The following ST6GAL1 variants were observed in gnomAD, a reference collection of about 807,000 sequenced individuals.
ST6GAL1 encodes the protein ST6 beta-galactoside alpha-2,6-sialyltransferase 1.
In ST6GAL1, 20 loss-of-function variants were observed where a neutral mutation model predicts 38.0. The observed-to-expected ratio is 0.53, with a 90% CI of 0.37 to 0.77. The LOEUF (loss-of-function observed/expected upper bound fraction) is 0.77, where lower values mean the gene tolerates loss of function less well. ST6GAL1 is among the 30% of genes least tolerant of loss of function. The pLI is 0.00. For missense variants in ST6GAL1, 432 were observed against 496.4 expected (o/e 0.87, Z 1.23); for synonymous variants, 196 against 188.2 (o/e 1.04, Z -0.34).
At chr3:186,958,374 G>A (rs1055094714) in intron 1 of ST6GAL1, among the ~76,000 whole-genome samples, 2 of 152,068 alleles carry the variant, frequency 1.3e-5, no homozygotes, top group African/African-American at 2.4e-5. Context: ...ATAACTATTG[G>A]GAGAATGTGG....
In ST6GAL1 at chr3:187,038,872, A is replaced by G. The variant is rs927118774; in HGVS notation, c.-52A>G. 3 of 152,270 alleles carry G rather than the reference A, an allele frequency of 2.0e-5. No homozygotes were observed. The highest frequency in any genetic ancestry group is 7.2e-5 in the African/African-American group (3 of 41,470). The allele number at this position is 152,270 out of a possible 1,614,324, so 9.4% of individuals were successfully genotyped here. A position where few individuals can be genotyped will look rare whatever the true frequency, so the allele number is the denominator to read the frequency against. On this transcript the variant is annotated splice_region_variant and 5_prime_UTR_variant, in exon 3 of 8. Coordinates refer to ENST00000169298, the MANE Select transcript of ST6GAL1 (RefSeq NM_173216.2). ...CGCCCCTGGGGGATTAGCCAGAAGC[A>G]GGTAAGGAACACACAGAGGCATGGG...
chr3:187,056,229 C>T (rs374648382), intron 5 of ST6GAL1, among the ~76,000 whole-genome samples: 7 of 152,136 alleles, frequency 4.6e-5, no homozygotes, highest in Admixed American at 3.9e-4. Context: ...CTCCTGAATA[C>T]AGCACACTGA....
At chr3:187,025,808 C>T (rs938218383) in intron 2 of ST6GAL1, among the ~76,000 whole-genome samples, 3 of 152,106 alleles carry the variant, frequency 2.0e-5, no homozygotes, top group Admixed American at 6.5e-5. Flanking sequence ...CGCAGCCTGA[C>T]CTCATGGTGG....
intron 2 of ST6GAL1, among the ~76,000 whole-genome samples, chr3:187,016,333 T>G (rs1717114140): frequency 6.6e-6 from 1 of 152,132 alleles, no homozygotes. Context: ...TATAATCTTA[T>G]TTTTCTGACT....
At chr3:187,027,049 C>CA (rs1560167679) in intron 2 of ST6GAL1, among the ~76,000 whole-genome samples, 1 of 143,676 alleles carries the variant, frequency 7.0e-6, no homozygotes, top group South Asian at 2.2e-4. Flanking sequence ...ACTCTGTCTC[C>CA]AAAAAAATAA....
chr3:187,067,309 A>T (rs2108600210), intron 5 of ST6GAL1, among the ~76,000 whole-genome samples: 1 of 148,518 alleles, frequency 6.7e-6, no homozygotes, highest in East Asian at 2.0e-4. Context: ...GTGATCTCGA[A>T]CTCCTGACCT....
At chr3:187,032,814 C>T (rs1579340793) in intron 2 of ST6GAL1, among the ~76,000 whole-genome samples, 1 of 152,244 alleles carries the variant, frequency 6.6e-6, no homozygotes, top group East Asian at 1.9e-4. Context: ...AGAGTGGCAC[C>T]TCTCACTTTT....
At chr3:187,072,446 T>C (rs182494679) in intron 5 of ST6GAL1, 4 of 317,460 alleles carry the variant, frequency 1.3e-5, no homozygotes, top group Admixed American at 8.7e-5. Context: ...TGTAGTGTAC[T>C]GGACTCTCTA....
intron 2 of ST6GAL1, among the ~76,000 whole-genome samples, chr3:187,036,013 A>G (rs1717918405): frequency 6.6e-6 from 1 of 152,246 alleles, no homozygotes; most frequent in Admixed American, 6.5e-5. Flanking sequence ...GCATCTGACA[A>G]AGATCTAATA....
At chr3:187,000,175 A>G (rs16861424) in intron 2 of ST6GAL1, among the ~76,000 whole-genome samples, 27,760 of 152,124 alleles carry the variant, frequency 0.18, 2,580 homozygotes, top group African/African-American at 0.2. Flanking sequence ...ATTACTGTTC[A>G]CTTGTAACAA....
In ST6GAL1 at chr3:186,966,514, G is replaced by A. The variant is rs371685585; in HGVS notation, c.-183+2588G>A. 1.1e-4 allele frequency among the ~76,000 whole-genome samples: 17 copies of A among 152,320 alleles called. No individual in the cohort carries two copies. The South Asian group carries it at 1.2e-3, about 11-fold the overall frequency. ...CTCTTTATGGCAAGCACTTGCCCAC[G>A]TGGTAGTTCCAAAATGCAGTTCCCA... On this transcript the variant is annotated intron_variant, in intron 2 of 7. Transcript: ENST00000169298.
At chr3:186,988,176 A>C (rs576272203) in intron 2 of ST6GAL1, among the ~76,000 whole-genome samples, 1 of 152,302 alleles carries the variant, frequency 6.6e-6, no homozygotes, top group South Asian at 2.1e-4. Flanking sequence ...GACAGTGAAC[A>C]TCTTTGTATC....
intron 4 of ST6GAL1, among the ~76,000 whole-genome samples, chr3:187,049,049 C>A (rs552005238): frequency 3.9e-5 from 6 of 152,180 alleles, no homozygotes; most frequent in African/African-American, 1.4e-4. Flanking sequence ...TGCCACCACG[C>A]CCAGCTAATT....
intron 2 of ST6GAL1, among the ~76,000 whole-genome samples, chr3:187,027,572 G>A (rs1294038551): frequency 6.6e-6 from 1 of 152,146 alleles, no homozygotes; most frequent in Non-Finnish European, 1.5e-5. Context: ...AAATAGTGAA[G>A]TGAGTGCAGT....
intron 1 of ST6GAL1, among the ~76,000 whole-genome samples, chr3:186,939,222 C>T (rs1002858570): frequency 1.3e-5 from 2 of 151,974 alleles, no homozygotes; most frequent in Non-Finnish European, 2.9e-5. Context: ...TACAGGCATG[C>T]ACCACCACAC....
At chr3:186,962,232 T>C (rs1714959729) in intron 1 of ST6GAL1, among the ~76,000 whole-genome samples, 1 of 152,156 alleles carries the variant, frequency 6.6e-6, no homozygotes, top group Non-Finnish European at 1.5e-5. Flanking sequence ...ATGACTCTTG[T>C]TTCTCTTTGT....
intron 2 of ST6GAL1, among the ~76,000 whole-genome samples, chr3:186,971,812 A>G (rs1316502771): frequency 1.3e-5 from 2 of 152,194 alleles, no homozygotes; most frequent in South Asian, 2.1e-4. Flanking sequence ...GCGTGCCAAC[A>G]TCTCTACTTA....
chr3:187,000,374 A>G (rs543266588), intron 2 of ST6GAL1, among the ~76,000 whole-genome samples: 4 of 145,162 alleles, frequency 2.8e-5, no homozygotes, highest in Non-Finnish European at 4.5e-5. Flanking sequence ...ACATGGTGAA[A>G]CCCCATCTCT....
chr3:187,058,384 G>A lies in ST6GAL1; in HGVS notation c.705+7038G>A, dbSNP rs190556500. Among the ~76,000 whole-genome samples, 23 of 152,264 alleles carry A rather than the reference G, an allele frequency of 1.5e-4. No individual in the cohort carries two copies. In the East Asian group the frequency reaches 2.1e-3, roughly 14 times the overall value. On this transcript the variant is annotated intron_variant, in intron 5 of 7. Transcript: ENST00000169298. Reference sequence around the variant, plus strand: ...ATCACCCGTCTTGTTTGTCGATCGCGCTGGGAGCTGCAGACCAGAGCTGTT... The same window carrying A: ...ATCACCCGTCTTGTTTGTCGATCGCACTGGGAGCTGCAGACCAGAGCTGTT...
Sources: gnomAD v4.1 joint callset for allele counts (sites outside exome capture counted in the v4.1 genomes callset) on GRCh38, gnomAD v4.1.1 for gene constraint, MANE v1.5 for transcripts, NCBI Gene and HGNC (gene_info 2026-07-23, HGNC 2026-07-21) for gene names.